The following TMEM131L variants were observed in gnomAD, a reference collection of about 807,000 sequenced individuals.
TMEM131L encodes the protein transmembrane protein 131-like.
TMEM131L carries 54 observed loss-of-function variants against 192.2 expected under a neutral mutation model. The observed-to-expected ratio is 0.28, with a 90% confidence interval of 0.23 to 0.35. The LOEUF is 0.35. Ranked by LOEUF, TMEM131L falls within the 10% of genes least tolerant of loss-of-function variation. The probability of loss-of-function intolerance (pLI) is 1.00; values close to 1 mark genes in which losing one functional copy is unlikely to be tolerated. For synonymous variants in TMEM131L, 701 were observed against 704.9 expected, an observed-to-expected ratio of 0.99 and a Z score of 0.09; for missense variants, 1,888 against 1,972.9, an observed-to-expected ratio of 0.96 and a Z score of 0.82.
intron 4 of TMEM131L, among the ~76,000 whole-genome samples, chr4:153,552,481 T>A (rs1019223325): frequency 1.2e-4 from 19 of 152,092 alleles, no homozygotes; most frequent in Non-Finnish European, 4.4e-5. Flanking sequence ...TACCAAAAGC[T>A]AAGGATGCTC....
chr4:153,567,745 G>A (rs1729320469), intron 7 of TMEM131L, among the ~76,000 whole-genome samples: 1 of 152,216 alleles, frequency 6.6e-6, no homozygotes, highest in South Asian at 2.1e-4. Flanking sequence ...GTTTCACCAC[G>A]TTGGCCTGGC....
chr4:153,588,538 C>T (rs762412443), intron 15 of TMEM131L, among the ~76,000 whole-genome samples: 14 of 150,768 alleles, frequency 9.3e-5, no homozygotes, highest in Admixed American at 2.0e-4. Context: ...CTGGAAGACT[C>T]GTTGATGATT....
At chr4:153,601,227 G>A (rs987641594) in intron 21 of TMEM131L, among the ~76,000 whole-genome samples, 3 of 151,958 alleles carry the variant, frequency 2.0e-5, no homozygotes, top group African/African-American at 7.3e-5. Flanking sequence ...GAATTAAGAA[G>A]TAATATAAAA....
chr4:153,467,367 A>T (rs1251408309), intron 2 of TMEM131L, 86 bp downstream of exon 2: 1 of 1,203,952 alleles, frequency 8.3e-7, no homozygotes, highest in Non-Finnish European at 1.2e-6. Flanking sequence ...CCCCCTGTCC[A>T]AGCGGCACAG....
At position 153,555,764 on chromosome 4, in the gene TMEM131L, T is replaced by A. The variant is rs891547856; in HGVS notation, c.309-23T>A. The A allele has an allele frequency of 3.2e-6, 5 of 1,544,600 alleles. No homozygotes were observed. The African/African-American group carries it at 5.5e-5, about 17-fold the overall frequency. On this transcript the variant is annotated intron_variant, in intron 4 of 34. Coordinates refer to ENST00000409959, the MANE Select transcript of TMEM131L (RefSeq NM_001131007.2). The surrounding 1 kb of genome is among the most constrained non-coding windows in gnomAD (Gnocchi z 4.1). ...TTTATAACCACACAATACATTGATTTTTCTCTTTGTTTCTCCTCCTAGGTT... is the reference window on the plus strand; with the variant it reads ...TTTATAACCACACAATACATTGATTATTCTCTTTGTTTCTCCTCCTAGGTT...
intron 30 of TMEM131L, 122 bp from the exon 31 acceptor site, chr4:153,627,483 C>A: frequency 1.5e-6 from 1 of 661,344 alleles, no homozygotes; most frequent in Admixed American, 2.7e-5. Flanking sequence ...ATGTTTCTTC[C>A]CCAAGAAACT....
chr4:153,577,119 T>G (rs1730003061), intron 7 of TMEM131L, among the ~76,000 whole-genome samples: 1 of 151,416 alleles, frequency 6.6e-6, no homozygotes, highest in South Asian at 2.1e-4. Flanking sequence ...GGTGGGTGGG[T>G]TGGAGGAGTG....
Position 153,580,918 on chromosome 4 carries a change from G to T in TMEM131L, c.738+15G>T, listed in dbSNP as rs772005927. On this transcript the variant is annotated intron_variant, in intron 8 of 34. Transcript: ENST00000409959. ...AGCAATTAAAGGTAAAATAAAATGT[G>T]TAGTGTTTTCTCTCTGCTTTCCTCC... 1.3e-6 allele frequency: 2 copies of T among 1,546,126 alleles called. No homozygotes were observed. Among genetic ancestry groups the T allele is most frequent in the African/African-American group, 1.4e-5 (1 of 72,298 alleles).
chr4:153,581,786 A>G (rs2150738201), intron 9 of TMEM131L, among the ~76,000 whole-genome samples: 1 of 144,438 alleles, frequency 6.9e-6, no homozygotes, highest in Middle Eastern at 3.5e-3. Context: ...CCTTAGGAAT[A>G]ATTTTTCTTC....
At chr4:153,533,325 C>G (rs1284766918) in intron 3 of TMEM131L, among the ~76,000 whole-genome samples, 1 of 152,142 alleles carries the variant, frequency 6.6e-6, no homozygotes, top group Non-Finnish European at 1.5e-5. Context: ...CCACGTTCAC[C>G]CCATTATAAG....
Position 153,588,995 on chromosome 4 carries a change from G to C in TMEM131L, c.1658G>C (p.Gly553Ala), listed in dbSNP as rs139647215. 1 of 1,559,128 alleles carries C rather than the reference G, an allele frequency of 6.4e-7. No homozygotes were observed. The highest frequency in any genetic ancestry group is 1.4e-5 in the African/African-American group (1 of 73,788). The change falls in exon 16 of 35, where the codon GGT becomes GCT. Residue 553 changes from glycine (G) to alanine (A), a missense_variant. Gly to Ala is a moderately conservative substitution (Grantham distance 60, BLOSUM62 0). Coordinates refer to ENST00000409959, the MANE Select transcript of TMEM131L (RefSeq NM_001131007.2). ...GAAAGATGGAAGAAATATAAAAATG[G>C]TGACGTCTGCAAGTACGTCTCCACT... ...LYERWKKYKNGDVCKRNVLGT... is the reference protein window; with the variant it reads ...LYERWKKYKNADVCKRNVLGT...
chr4:153,499,026 C>T (rs1293845654), intron 3 of TMEM131L, among the ~76,000 whole-genome samples: 59 of 152,180 alleles, frequency 3.9e-4, no homozygotes, highest in Admixed American at 3.9e-3. Context: ...TTTTTGTTGT[C>T]CTTTTCCTTG....
intron 3 of TMEM131L, among the ~76,000 whole-genome samples, chr4:153,510,902 A>G (rs1734309060): frequency 1.3e-5 from 2 of 151,746 alleles, no homozygotes; most frequent in Non-Finnish European, 2.9e-5. Flanking sequence ...AAAAAACAAG[A>G]AAAGAAAAAA....
chr4:153,519,701 G>A (rs10032915), intron 3 of TMEM131L, among the ~76,000 whole-genome samples: 14,299 of 152,182 alleles, frequency 0.094, 1,823 homozygotes, highest in African/African-American at 0.3. Flanking sequence ...CAGAAATGAA[G>A]GAAAAATGAG....
At chr4:153,531,281 T>C (rs1485054498) in intron 3 of TMEM131L, among the ~76,000 whole-genome samples, 4 of 152,226 alleles carry the variant, frequency 2.6e-5, no homozygotes, top group Non-Finnish European at 5.9e-5. Flanking sequence ...ATATTATCTC[T>C]GAGAGATGGC....
At chr4:153,503,408 A>G (rs7664040) in intron 3 of TMEM131L, among the ~76,000 whole-genome samples, 27,267 of 152,104 alleles carry the variant, frequency 0.18, 5,116 homozygotes, top group African/African-American at 0.46. Context: ...TAAAAGGGAC[A>G]GCTTTTTAAA....
chr4:153,608,351 A>T (rs1242390057), intron 25 of TMEM131L, among the ~76,000 whole-genome samples: 1 of 152,230 alleles, frequency 6.6e-6, no homozygotes, highest in Non-Finnish European at 1.5e-5. Context: ...TACGTTCCAG[A>T]ACCTCTTGGT....
intron 3 of TMEM131L, among the ~76,000 whole-genome samples, chr4:153,518,838 G>T (rs931249055): frequency 6.6e-6 from 1 of 152,150 alleles, no homozygotes; most frequent in Non-Finnish European, 1.5e-5. Flanking sequence ...CGGGGGACAC[G>T]TGCTGATTTC....
intron 3 of TMEM131L, among the ~76,000 whole-genome samples, chr4:153,548,629 G>T (rs1312483858): frequency 3.3e-5 from 5 of 152,140 alleles, no homozygotes; most frequent in Non-Finnish European, 7.4e-5. Flanking sequence ...AATACAGCTG[G>T]TGCTGGAGAT....
Sources: gnomAD v4.1 joint callset for allele counts (sites outside exome capture counted in the v4.1 genomes callset) on GRCh38, gnomAD v4.1.1 for gene constraint, Gnocchi (gnomAD v3.1) non-coding constraint, MANE v1.5 for transcripts, NCBI Gene and HGNC (gene_info 2026-07-23, HGNC 2026-07-21) for gene names.